Variants in CADPS2 observed in about 807,000 individuals in gnomAD.
CADPS2 encodes the protein calcium dependent secretion activator 2, also known as calcium-dependent secretion activator 2.
Under a neutral mutation model 172.5 loss-of-function variants are expected in CADPS2, and 93 were observed. That is an observed-to-expected ratio of 0.54 (90% confidence interval 0.46 to 0.64). The LOEUF (loss-of-function observed/expected upper bound fraction) is 0.64. CADPS2 is among the 30% of genes least tolerant of loss of function. The probability of loss-of-function intolerance (pLI) is 0.00; values close to 1 mark genes in which losing one functional copy is unlikely to be tolerated. For synonymous variants in CADPS2, 546 were observed against 555.2 expected (o/e 0.98, Z 0.23); for missense variants, 1,420 against 1,565.9 (o/e 0.91, Z 1.57).
intron 3 of CADPS2, among the ~76,000 whole-genome samples, chr7:122,637,678 T>C (rs931984680): frequency 2.0e-5 from 3 of 152,206 alleles, no homozygotes; most frequent in East Asian, 3.9e-4. Context: ...CATTACAATC[T>C]GGTTAAGAAC....
Position 122,698,855 on chromosome 7 carries a change from T to C in CADPS2, c.454-35286A>G. On this transcript the variant is annotated intron_variant, in intron 2 of 29. Coordinates refer to ENST00000449022, the MANE Select transcript of CADPS2 (RefSeq NM_017954.11). ...TTCTGACTAACAAGCCAAAGAACAC[T>C]GAACTTCATAAGCCAGGAAGAGGCA... 11 of 1,612,966 alleles carry C rather than the reference T, an allele frequency of 6.8e-6. No homozygotes were observed. Among genetic ancestry groups the C allele is most frequent in the Non-Finnish European group, 9.3e-6 (11 of 1,179,390 alleles).
At chr7:122,724,900 T>C (rs1298506063) in intron 2 of CADPS2, among the ~76,000 whole-genome samples, 1 of 151,988 alleles carries the variant, frequency 6.6e-6, no homozygotes, top group African/African-American at 2.4e-5. Context: ...TTTAAATGCA[T>C]AAAAATAAGT....
At chr7:122,541,825 A>G (rs538661796) in intron 8 of CADPS2, among the ~76,000 whole-genome samples, 17 of 117,280 alleles carry the variant, frequency 1.4e-4, no homozygotes, top group African/African-American at 5.1e-4. Context: ...TCATATGTTT[A>G]TATATTCATA....
At chr7:122,633,810 G>C (rs1188250565) in intron 3 of CADPS2, among the ~76,000 whole-genome samples, 1 of 152,082 alleles carries the variant, frequency 6.6e-6, no homozygotes, top group African/African-American at 2.4e-5. Context: ...TCTCCATCCA[G>C]TATGATATTG....
At chr7:122,718,376 G>A (rs1370663892) in intron 2 of CADPS2, among the ~76,000 whole-genome samples, 2 of 151,942 alleles carry the variant, frequency 1.3e-5, no homozygotes, top group Non-Finnish European at 2.9e-5. Flanking sequence ...GTAGGGGAGA[G>A]AGGGAAAAGG....
chr7:122,820,409 C>T (rs1014821285), intron 1 of CADPS2, among the ~76,000 whole-genome samples: 22 of 152,156 alleles, frequency 1.4e-4, no homozygotes, highest in South Asian at 4.1e-4. Context: ...TCCGACTGAT[C>T]TCTCAAACCC....
intron 1 of CADPS2, among the ~76,000 whole-genome samples, chr7:122,810,774 G>T (rs1326525357): frequency 6.6e-6 from 1 of 151,932 alleles, no homozygotes; most frequent in Non-Finnish European, 1.5e-5. Context: ...AAAATTTTTT[G>T]ATAGAGATGA....
At chr7:122,851,131 A>T (rs777587018) in intron 1 of CADPS2, among the ~76,000 whole-genome samples, 2 of 152,224 alleles carry the variant, frequency 1.3e-5, no homozygotes, top group Non-Finnish European at 2.9e-5. Context: ...AACACTACAC[A>T]AAATTAAACA....
chr7:122,611,698 C>T (rs1372490439), intron 6 of CADPS2, among the ~76,000 whole-genome samples: 1 of 151,866 alleles, frequency 6.6e-6, no homozygotes, highest in Non-Finnish European at 1.5e-5. Context: ...ATTGAAGGGT[C>T]CACTTAAAAC....
chr7:122,623,413 T>C (rs1367656028), intron 4 of CADPS2, among the ~76,000 whole-genome samples: 1 of 152,164 alleles, frequency 6.6e-6, no homozygotes, highest in Non-Finnish European at 1.5e-5. Flanking sequence ...GGGCAGATCC[T>C]TTCAATGTCG....
At chr7:122,880,403 C>T (rs903693966) in intron 1 of CADPS2, among the ~76,000 whole-genome samples, 1 of 152,176 alleles carries the variant, frequency 6.6e-6, no homozygotes, top group Admixed American at 6.5e-5. Context: ...TCCACTGTAT[C>T]GACTGCACAA....
chr7:122,812,410 GA>G (rs61331991), intron 1 of CADPS2, among the ~76,000 whole-genome samples: 2,546 of 132,296 alleles, frequency 0.019, 53 homozygotes, highest in African/African-American at 0.055. Context: ...CACTTGTTTG[GA>G]AAAAAAAAAA....
chr7:122,526,031 A>G (rs1326905506), intron 8 of CADPS2, among the ~76,000 whole-genome samples: 3 of 152,118 alleles, frequency 2.0e-5, no homozygotes, highest in Non-Finnish European at 4.4e-5. Flanking sequence ...AAGCTGCCCA[A>G]TACCCCAGGC....
chr7:122,618,075 A>G (rs1263755118), intron 5 of CADPS2, among the ~76,000 whole-genome samples: 2 of 151,704 alleles, frequency 1.3e-5, no homozygotes, highest in African/African-American at 2.4e-5. Context: ...TATTCATGCC[A>G]CTGATAACAT....
intron 9 of CADPS2, among the ~76,000 whole-genome samples, chr7:122,501,933 C>T (rs2059241606): frequency 6.9e-6 from 1 of 144,372 alleles, no homozygotes; most frequent in South Asian, 2.3e-4. Context: ...TAGAACACAA[C>T]TCTCTGTAGT....
intron 28 of CADPS2, among the ~76,000 whole-genome samples, chr7:122,330,455 C>A (rs1563080219): frequency 6.6e-6 from 1 of 152,094 alleles, no homozygotes. Flanking sequence ...CACTAAAACG[C>A]AAATGTTATA....
intron 1 of CADPS2, among the ~76,000 whole-genome samples, chr7:122,824,997 A>T (rs189842801): frequency 2.6e-5 from 4 of 152,204 alleles, no homozygotes; most frequent in African/African-American, 7.2e-5. Context: ...GGAAACGAAA[A>T]AAGTAACAGA....
At chr7:122,642,561 T>G (rs1396837985) in intron 3 of CADPS2, among the ~76,000 whole-genome samples, 1 of 151,878 alleles carries the variant, frequency 6.6e-6, no homozygotes, top group Non-Finnish European at 1.5e-5. Context: ...TTTTTTTTTT[T>G]TTTTACAACT....
chr7:122,682,068 T>G (rs1264881151), intron 2 of CADPS2, among the ~76,000 whole-genome samples: 1 of 152,200 alleles, frequency 6.6e-6, no homozygotes, highest in Non-Finnish European at 1.5e-5. Flanking sequence ...TCCAACTAAA[T>G]GCTTAGTTTA....
Sources: gnomAD v4.1 joint callset for allele counts (sites outside exome capture counted in the v4.1 genomes callset) on GRCh38, gnomAD v4.1.1 for gene constraint, MANE v1.5 for transcripts, NCBI Gene and HGNC (gene_info 2026-07-23, HGNC 2026-07-21) for gene names.